The following GABRB2 variants were observed in gnomAD, a reference collection of about 807,000 sequenced individuals.
GABRB2 encodes gamma-aminobutyric acid type A receptor subunit beta2, also known as gamma-aminobutyric acid receptor subunit beta-2.
In GABRB2, 16 loss-of-function variants were observed where a neutral mutation model predicts 54.7. That is an observed-to-expected ratio of 0.29 (90% CI 0.20 to 0.44). The LOEUF (loss-of-function observed/expected upper bound fraction) is 0.44, where lower values mean the gene tolerates loss of function less well. Among genes scored for constraint, GABRB2 ranks in the 20% least tolerant of loss-of-function variants. The pLI is 1.00. For synonymous variants in GABRB2, 244 were observed against 233.8 expected, an observed-to-expected ratio of 1.04 and a Z score of -0.40; for missense variants, 355 against 644.0, an observed-to-expected ratio of 0.55 and a Z score of 4.86.
intron 3 of GABRB2, among the ~76,000 whole-genome samples, chr5:161,519,222 G>C (rs1760041476): frequency 6.6e-6 from 1 of 152,106 alleles, no homozygotes; most frequent in Non-Finnish European, 1.5e-5. Context: ...ATAATATTTT[G>C]GCAAGTGAAT....
chr5:161,511,611 A>G (rs1322301374), intron 3 of GABRB2, among the ~76,000 whole-genome samples: 2 of 152,068 alleles, frequency 1.3e-5, no homozygotes, highest in African/African-American at 4.8e-5. Flanking sequence ...AGTACTACAA[A>G]CTAGGTGACT....
intron 4 of GABRB2, among the ~76,000 whole-genome samples, chr5:161,449,403 T>A (rs1205986340): frequency 1.3e-5 from 2 of 152,202 alleles, no homozygotes; most frequent in African/African-American, 2.4e-5. Flanking sequence ...TTGCTTTGAA[T>A]GTCTTTATCT....
Position 161,290,387 on chromosome 5 carries a change from C to T in GABRB2, c.*3694G>A, listed in dbSNP as rs368053395. ...AATTAGACAAGCAATGTGACAACTA[C>T]TTAACTTCTGATGTTCTGGGGTACA... On this transcript the variant is annotated 3_prime_UTR_variant, in exon 10 of 10. Transcript: ENST00000393959. The T allele has an allele frequency of 1.3e-5, 2 of 152,458 alleles. No individual in the cohort carries two copies. Among genetic ancestry groups the T allele is most frequent in the South Asian group, 2.1e-4 (1 of 4,834 alleles). The allele number at this position is 152,458 out of a possible 1,614,324, so 9.4% of individuals were successfully genotyped here.
At chr5:161,484,240 T>G (rs1330375499) in intron 3 of GABRB2, among the ~76,000 whole-genome samples, 1 of 151,948 alleles carries the variant, frequency 6.6e-6, no homozygotes, top group African/African-American at 2.4e-5. Context: ...CAAAAATATT[T>G]AGAGAGAGAG....
intron 4 of GABRB2, among the ~76,000 whole-genome samples, chr5:161,438,941 A>G (rs1386925644): frequency 6.6e-6 from 1 of 152,162 alleles, no homozygotes; most frequent in Admixed American, 6.5e-5. Context: ...TCTAAGAGTT[A>G]TTGGCCTTAA....
At chr5:161,456,551 A>C (rs1757960040) in intron 4 of GABRB2, among the ~76,000 whole-genome samples, 1 of 152,192 alleles carries the variant, frequency 6.6e-6, no homozygotes, top group Admixed American at 6.5e-5. Flanking sequence ...AATAGTGAAG[A>C]TCAACGTCTT....
At chr5:161,463,593 A>G (rs1581007731) in intron 3 of GABRB2, among the ~76,000 whole-genome samples, 1 of 120,350 alleles carries the variant, frequency 8.3e-6, no homozygotes, top group Non-Finnish European at 1.8e-5. Context: ...ATATATATAT[A>G]TATATATGAA....
chr5:161,543,146 C>G (rs1300932207), intron 3 of GABRB2, among the ~76,000 whole-genome samples: 1 of 152,116 alleles, frequency 6.6e-6, no homozygotes. Flanking sequence ...CAATGTTGTC[C>G]CATTTACAAC....
At chr5:161,396,451 T>C (rs976571533) in intron 5 of GABRB2, among the ~76,000 whole-genome samples, 4 of 152,154 alleles carry the variant, frequency 2.6e-5, no homozygotes, top group Non-Finnish European at 5.9e-5. Context: ...AAGAGAGAGG[T>C]TGTTAAAACG....
At chr5:161,537,097 C>T (rs888937492) in intron 3 of GABRB2, among the ~76,000 whole-genome samples, 3 of 152,156 alleles carry the variant, frequency 2.0e-5, no homozygotes, top group Non-Finnish European at 2.9e-5. Flanking sequence ...ATTTGCTTCT[C>T]AAACTCAGGT....
chr5:161,452,814 C>G (rs531757730), intron 4 of GABRB2, among the ~76,000 whole-genome samples: 1 of 151,932 alleles, frequency 6.6e-6, no homozygotes, highest in Non-Finnish European at 1.5e-5. Context: ...GGTAACAAGG[C>G]GAAACCTCAC....
chr5:161,457,836 T>G (rs1052333820), intron 4 of GABRB2, among the ~76,000 whole-genome samples: 1 of 152,196 alleles, frequency 6.6e-6, no homozygotes, highest in Non-Finnish European at 1.5e-5. Flanking sequence ...CAACTTTTAT[T>G]GCACTGCTAT....
chr5:161,341,062 C>G (rs1471309457), intron 5 of GABRB2, among the ~76,000 whole-genome samples: 2 of 151,992 alleles, frequency 1.3e-5, no homozygotes, highest in African/African-American at 4.8e-5. Context: ...GCTATTGCAT[C>G]ATTGGTTTCT....
At chr5:161,466,547 T>C (rs946316315) in intron 3 of GABRB2, among the ~76,000 whole-genome samples, 2 of 152,076 alleles carry the variant, frequency 1.3e-5, no homozygotes, top group Non-Finnish European at 2.9e-5. Context: ...ACATCAGCCA[T>C]TGAAAGAATT....
chr5:161,520,860 T>G (rs888256833), intron 3 of GABRB2, among the ~76,000 whole-genome samples: 9 of 152,002 alleles, frequency 5.9e-5, no homozygotes, highest in Non-Finnish European at 1.0e-4. Flanking sequence ...AAACTCCTCA[T>G]CACAGCTTGC....
At chr5:161,442,973 G>A (rs779139347) in intron 4 of GABRB2, among the ~76,000 whole-genome samples, 29 of 152,016 alleles carry the variant, frequency 1.9e-4, no homozygotes, top group Non-Finnish European at 3.5e-4. Flanking sequence ...CTCATATGAG[G>A]AATACATTCA....
rs56372028 is a variant in GABRB2, at chr5:161,289,232, C to CTTTTTTTTTTTTTTTTTTTTTTT, written c.*4848_*4849insAAAAAAAAAAAAAAAAAAAAAAA. Reference sequence around the variant, plus strand: ...ACCTAGTAGCTTTTTAAGAGTGCTGCTTTTTTTTTTTTTTTTTGTACAGAT... The same window carrying CTTTTTTTTTTTTTTTTTTTTTTT: ...ACCTAGTAGCTTTTTAAGAGTGCTGCTTTTTTTTTTTTTTTTTTTTTTTTTTTTTTTTTTTTTTTTGTACAGAT... On this transcript the variant is annotated 3_prime_UTR_variant, in exon 10 of 10. Coordinates refer to ENST00000393959, the MANE Select transcript of GABRB2 (RefSeq NM_001371727.1). 137 of 90,450 alleles carry CTTTTTTTTTTTTTTTTTTTTTTT rather than the reference C, an allele frequency of 1.5e-3. 3 individuals carry two copies. Among genetic ancestry groups the CTTTTTTTTTTTTTTTTTTTTTTT allele is most frequent in the Non-Finnish European group, 2.0e-3 (106 of 52,720 alleles). 5.6% of individuals were successfully genotyped at this position (90,450 alleles called of 1,614,324 possible).
intron 5 of GABRB2, among the ~76,000 whole-genome samples, chr5:161,405,217 A>C (rs1461673450): frequency 6.6e-6 from 1 of 152,028 alleles, no homozygotes; most frequent in Non-Finnish European, 1.5e-5. Flanking sequence ...CCAACACTCC[A>C]GTTCCTTCTA....
chr5:161,312,029 T>C (rs1757885224), intron 9 of GABRB2, among the ~76,000 whole-genome samples: 1 of 151,920 alleles, frequency 6.6e-6, no homozygotes, highest in Non-Finnish European at 1.5e-5. Context: ...TGTGTGTGTG[T>C]GTGTGTGTGT....
Sources: allele counts gnomAD v4.1 joint callset (sites outside exome capture counted in the v4.1 genomes callset), GRCh38; gene constraint gnomAD v4.1.1; transcripts MANE v1.5; gene names NCBI Gene and HGNC (gene_info 2026-07-23, HGNC 2026-07-21).